Variants in CRISPLD2 observed in about 807,000 individuals in gnomAD.
CRISPLD2 encodes cysteine rich secretory protein LCCL domain containing 2.
In CRISPLD2, 47 loss-of-function variants were observed where a neutral mutation model predicts 71.1. That is an observed-to-expected ratio of 0.66 (90% CI 0.52 to 0.84). The LOEUF is 0.84. CRISPLD2 is among the 40% of genes least tolerant of loss of function. The pLI is 0.00. For synonymous variants in CRISPLD2, 317 were observed against 250.1 expected (o/e 1.27, Z -2.52); for missense variants, 830 against 651.1 (o/e 1.27, Z -2.99).
At chr16:84,820,884 G>T (rs1916215549) in intron 1 of CRISPLD2, among the ~76,000 whole-genome samples, 1 of 152,190 alleles carries the variant, frequency 6.6e-6, no homozygotes. Context: ...GAGTGTGGGG[G>T]AGATCGGTCG....
In CRISPLD2 at chr16:84,908,091, C is replaced by T. The variant is rs1220452192; in HGVS notation, c.*1449C>T. ...TAGCAGAAAGTCAAAAACTAAGATACTGTAGACTGGACAAGAAATTCTACC... is the reference window on the plus strand; with the variant it reads ...TAGCAGAAAGTCAAAAACTAAGATATTGTAGACTGGACAAGAAATTCTACC... On this transcript the variant is annotated 3_prime_UTR_variant, in exon 15 of 15. Transcript: ENST00000262424. The T allele has an allele frequency of 2.6e-5, 4 of 152,232 alleles. No homozygotes were observed. The highest frequency in any genetic ancestry group is 2.6e-4 in the Admixed American group (4 of 15,280). The allele number at this position is 152,232 out of a possible 1,614,324, so 9.4% of individuals were successfully genotyped here.
chr16:84,885,127 A>C (rs920238311), intron 13 of CRISPLD2, among the ~76,000 whole-genome samples: 4 of 152,204 alleles, frequency 2.6e-5, no homozygotes, highest in African/African-American at 9.7e-5. Flanking sequence ...GGACCCAAAA[A>C]TCTGCTCCAG....
At chr16:84,870,532 G>C (rs1449217005) in intron 8 of CRISPLD2, among the ~76,000 whole-genome samples, 2 of 152,050 alleles carry the variant, frequency 1.3e-5, no homozygotes. Flanking sequence ...GGCCAGGCTG[G>C]TCTCAAACTC....
chr16:84,895,922 A>G (rs1221752823), intron 14 of CRISPLD2, among the ~76,000 whole-genome samples: 6 of 152,166 alleles, frequency 3.9e-5, no homozygotes, highest in Non-Finnish European at 7.3e-5. Flanking sequence ...GGCTCAGAGA[A>G]AAGGGTTAAC....
chr16:84,870,098 G>T (rs1484113730), intron 8 of CRISPLD2, among the ~76,000 whole-genome samples: 2 of 152,152 alleles, frequency 1.3e-5, no homozygotes, highest in Non-Finnish European at 2.9e-5. Flanking sequence ...CCTGTTTTCT[G>T]TTCATGGTGC....
chr16:84,901,043 A>G lies in CRISPLD2; in HGVS notation c.1440-5545A>G, dbSNP rs1042721445. On this transcript the variant is annotated intron_variant, in intron 14 of 14. Transcript: ENST00000262424. ...CACACACACACACACACACACACAC[A>G]CGCAAAAAAAAAAAGATTAGAAAGA... Among the ~76,000 whole-genome samples, 6 of 134,432 alleles carry G rather than the reference A, an allele frequency of 4.5e-5. No homozygotes were observed. The South Asian group carries it at 1.3e-3, about 28-fold the overall frequency. The allele number at this position is 134,432 out of a possible 152,430, so 88.2% of individuals were successfully genotyped here.
At chr16:84,900,264 C>A (rs1331910730) in intron 14 of CRISPLD2, among the ~76,000 whole-genome samples, 1 of 152,034 alleles carries the variant, frequency 6.6e-6, no homozygotes, top group Non-Finnish European at 1.5e-5. Flanking sequence ...TAAAAAACAA[C>A]CAGGAATTCC....
chr16:84,876,545 C>T (rs944533058), intron 11 of CRISPLD2, among the ~76,000 whole-genome samples: 1 of 149,778 alleles, frequency 6.7e-6, no homozygotes, highest in East Asian at 2.0e-4. Context: ...GTAATCTTAG[C>T]ACTTTGGGAG....
At chr16:84,885,609 T>A (rs944787570) in intron 13 of CRISPLD2, among the ~76,000 whole-genome samples, 1 of 152,172 alleles carries the variant, frequency 6.6e-6, no homozygotes, top group African/African-American at 2.4e-5. Context: ...CCGTTTAGTT[T>A]ATTTATTGAA....
chr16:84,839,088 C>T (rs540541102), intron 2 of CRISPLD2: 46 of 387,704 alleles, frequency 1.2e-4, no homozygotes, highest in Non-Finnish European at 1.9e-4. Flanking sequence ...GGTCTTGCTA[C>T]GTTGCCCAGG....
chr16:84,874,562 G>A (rs1213300652), intron 11 of CRISPLD2, among the ~76,000 whole-genome samples: 1 of 152,242 alleles, frequency 6.6e-6, no homozygotes, highest in African/African-American at 2.4e-5. Flanking sequence ...TCTCAGGCAA[G>A]CAAGGATGTA....
At chr16:84,850,220 A>T (rs191514831) in intron 4 of CRISPLD2, among the ~76,000 whole-genome samples, 5 of 151,918 alleles carry the variant, frequency 3.3e-5, no homozygotes, top group African/African-American at 1.2e-4. Flanking sequence ...CCTCCTGAGT[A>T]GCTGGGACTA....
chr16:84,895,215 A>C (rs536102065), intron 14 of CRISPLD2, among the ~76,000 whole-genome samples: 14 of 152,170 alleles, frequency 9.2e-5, no homozygotes, highest in African/African-American at 3.4e-4. Context: ...GACTTGCCCA[A>C]GGTCACCCAG....
chr16:84,820,947 C>T (rs1163413948), intron 1 of CRISPLD2, among the ~76,000 whole-genome samples: 1 of 152,210 alleles, frequency 6.6e-6, no homozygotes, highest in Non-Finnish European at 1.5e-5. Context: ...GACCCAGAGC[C>T]TCCCTTGCTA....
intron 14 of CRISPLD2, among the ~76,000 whole-genome samples, chr16:84,894,282 A>T (rs976623384): frequency 3.3e-5 from 5 of 152,244 alleles, no homozygotes; most frequent in Non-Finnish European, 7.3e-5. Flanking sequence ...GAAATGCCGG[A>T]CATCTGGGTG....
intron 1 of CRISPLD2, among the ~76,000 whole-genome samples, chr16:84,826,732 C>T (rs1255059674): frequency 6.6e-6 from 1 of 152,218 alleles, no homozygotes; most frequent in Non-Finnish European, 1.5e-5. Context: ...TGAACTGGGC[C>T]CTGTCTAGGA....
At chr16:84,841,647 G>A (rs1370949441) in intron 2 of CRISPLD2, among the ~76,000 whole-genome samples, 3 of 151,978 alleles carry the variant, frequency 2.0e-5, no homozygotes, top group Non-Finnish European at 4.4e-5. Flanking sequence ...CCAGGCTGGA[G>A]TGCAGTGGCG....
intron 1 of CRISPLD2, among the ~76,000 whole-genome samples, chr16:84,828,508 G>C (rs1916410304): frequency 6.6e-6 from 1 of 152,122 alleles, no homozygotes; most frequent in Non-Finnish European, 1.5e-5. Flanking sequence ...TGCCTTCTGG[G>C]AGTCCGTAAT....
intron 10 of CRISPLD2, 150 bp from the exon 11 acceptor site, chr16:84,873,770 C>T: frequency 1.3e-6 from 1 of 742,744 alleles, no homozygotes; most frequent in Non-Finnish European, 2.1e-6. Flanking sequence ...CTAGAACATT[C>T]TAAGAGCTCT....
Sources: gnomAD v4.1 joint callset for allele counts (sites outside exome capture counted in the v4.1 genomes callset) on GRCh38, gnomAD v4.1.1 for gene constraint, MANE v1.5 for transcripts, NCBI Gene and HGNC (gene_info 2026-07-23, HGNC 2026-07-21) for gene names.